Variants in NCAM2 observed in about 807,000 individuals in gnomAD.
The protein encoded by NCAM2 is N-CAM-2.
Under a neutral mutation model 98.1 loss-of-function variants are expected in NCAM2, and 30 were observed. The observed-to-expected ratio is 0.31, with a 90% CI of 0.23 to 0.41. The LOEUF (loss-of-function observed/expected upper bound fraction) is 0.41. Ranked by LOEUF, NCAM2 falls within the 10% of genes least tolerant of loss-of-function variation. The pLI is 1.00. For missense variants in NCAM2, 867 were observed against 1,005.8 expected (o/e 0.86, Z 1.87); for synonymous variants, 368 against 342.4 (o/e 1.07, Z -0.83).
intron 1 of NCAM2, among the ~76,000 whole-genome samples, chr21:21,003,353 GCTCCATT>G (rs2064054415): frequency 1.3e-5 from 2 of 152,188 alleles, no homozygotes; most frequent in South Asian, 4.2e-4. Flanking sequence ...ATCTTTCTTG[GCTCCATT>G]TGATTTATTA....
At chr21:21,223,640 G>A (rs188067276) in intron 1 of NCAM2, 75 of 152,232 alleles carry the variant, frequency 4.9e-4, no homozygotes, top group African/African-American at 1.7e-3. Context: ...AAGTTTGAGT[G>A]AGTGCACCAT....
chr21:21,102,681 T>C (rs2066269750), intron 1 of NCAM2, among the ~76,000 whole-genome samples: 1 of 151,882 alleles, frequency 6.6e-6, no homozygotes, highest in African/African-American at 2.4e-5. Flanking sequence ...TTAAAATTAA[T>C]GATGCTCAGT....
chr21:21,451,925 T>C (rs1392658746), intron 12 of NCAM2, among the ~76,000 whole-genome samples: 1 of 151,998 alleles, frequency 6.6e-6, no homozygotes, highest in African/African-American at 2.4e-5. Flanking sequence ...TTTTTCCCCA[T>C]CTATTGGTTG....
At chr21:21,487,783 AC>A (rs529145664) in intron 15 of NCAM2, among the ~76,000 whole-genome samples, 1 of 152,232 alleles carries the variant, frequency 6.6e-6, no homozygotes, top group African/African-American at 2.4e-5. Context: ...TCACAGTAAG[AC>A]CCACAAGTAC....
At chr21:21,134,710 CT>C (rs3071995) in intron 1 of NCAM2, among the ~76,000 whole-genome samples, 69,172 of 133,868 alleles carry the variant, frequency 0.52, 18,685 homozygotes, top group South Asian at 0.65. Context: ...ATATTGCAGC[CT>C]TTTTTTTTTT....
intron 1 of NCAM2, 75 bp downstream of exon 1, chr21:20,998,693 G>A: frequency 2.2e-6 from 3 of 1,368,302 alleles, no homozygotes; most frequent in Non-Finnish European, 3.1e-6. Context: ...AGAGGGAGGC[G>A]CAGGAAGAAT....
chr21:21,230,582 A>C (rs567442626), intron 1 of NCAM2, among the ~76,000 whole-genome samples: 4 of 151,196 alleles, frequency 2.6e-5, no homozygotes, highest in Admixed American at 1.3e-4. Flanking sequence ...TCCCACTCTC[A>C]TCTCATCACG....
At chr21:21,408,936 ATAT>A (rs773515486) in intron 9 of NCAM2, among the ~76,000 whole-genome samples, 16,955 of 150,920 alleles carry the variant, frequency 0.11, 1,250 homozygotes, top group Middle Eastern at 0.21. Context: ...TCTGATATTT[ATAT>A]AATTAGTAGA....
chr21:21,374,457 T>C (rs943219245), intron 9 of NCAM2, among the ~76,000 whole-genome samples: 1 of 151,906 alleles, frequency 6.6e-6, no homozygotes, highest in Non-Finnish European at 1.5e-5. Context: ...TTAAATGCAG[T>C]GAAATGTACT....
chr21:21,029,625 T>A (rs2064630676), intron 1 of NCAM2, among the ~76,000 whole-genome samples: 1 of 152,114 alleles, frequency 6.6e-6, no homozygotes, highest in South Asian at 2.1e-4. Flanking sequence ...TTTTTTATTA[T>A]TGTTTATTTA....
intron 9 of NCAM2, among the ~76,000 whole-genome samples, chr21:21,376,644 T>C (rs886843167): frequency 1.3e-5 from 2 of 151,864 alleles, no homozygotes; most frequent in Non-Finnish European, 2.9e-5. Context: ...ATACCATGAA[T>C]TAATAACTTT....
At chr21:21,231,660 G>A (rs2070632803) in intron 1 of NCAM2, among the ~76,000 whole-genome samples, 1 of 151,074 alleles carries the variant, frequency 6.6e-6, no homozygotes, top group South Asian at 2.1e-4. Flanking sequence ...ATTTCCATCG[G>A]AGTAAATATT....
intron 1 of NCAM2, among the ~76,000 whole-genome samples, chr21:21,072,260 A>G (rs906803956): frequency 6.6e-6 from 1 of 152,128 alleles, no homozygotes; most frequent in Non-Finnish European, 1.5e-5. Flanking sequence ...TTAAATGGAA[A>G]TGGAATTATC....
chr21:21,387,882 C>T (rs764591115), intron 9 of NCAM2, among the ~76,000 whole-genome samples: 1 of 152,006 alleles, frequency 6.6e-6, no homozygotes, highest in Non-Finnish European at 1.5e-5. Context: ...GTGAGAAAGT[C>T]TAAGGAAGAA....
chr21:21,305,299 T>C (rs2073846915), intron 5 of NCAM2, among the ~76,000 whole-genome samples: 1 of 152,002 alleles, frequency 6.6e-6, no homozygotes, highest in Non-Finnish European at 1.5e-5. Context: ...GCCTGGGCGA[T>C]AGAGCAAGAC....
At chr21:21,018,427 A>C (rs1459069369) in intron 1 of NCAM2, among the ~76,000 whole-genome samples, 4 of 152,320 alleles carry the variant, frequency 2.6e-5, no homozygotes, top group Middle Eastern at 3.4e-3. Context: ...AAGGCTGCTA[A>C]GTTTCTGATG....
chr21:21,347,722 A>G (rs1045407688), intron 8 of NCAM2, among the ~76,000 whole-genome samples: 4 of 152,104 alleles, frequency 2.6e-5, no homozygotes, highest in Non-Finnish European at 5.9e-5. Flanking sequence ...TATTGATGCA[A>G]AAATCCTCAG....
At chr21:21,425,262 T>TAA (rs199682970) in intron 11 of NCAM2, among the ~76,000 whole-genome samples, 3 of 151,186 alleles carry the variant, frequency 2.0e-5, no homozygotes, top group African/African-American at 7.3e-5. Flanking sequence ...TAAAGTATAA[T>TAA]AAAAAAAAGT....
At chr21:21,395,717 C>T (rs2076489962) in intron 9 of NCAM2, among the ~76,000 whole-genome samples, 1 of 152,124 alleles carries the variant, frequency 6.6e-6, no homozygotes, top group Non-Finnish European at 1.5e-5. Flanking sequence ...CAAATACTTA[C>T]AGCCAACTGA....
Sources: allele counts gnomAD v4.1 joint callset (sites outside exome capture counted in the v4.1 genomes callset), GRCh38; gene constraint gnomAD v4.1.1; transcripts MANE v1.5; gene names NCBI Gene and HGNC (gene_info 2026-07-23, HGNC 2026-07-21).